The following DCDC1 variants were observed in gnomAD, a reference collection of about 807,000 sequenced individuals.
DCDC1 encodes doublecortin domain containing 1.
Under a neutral mutation model 178.3 loss-of-function variants are expected in DCDC1, and 200 were observed. The observed-to-expected ratio is 1.12, with a 90% CI of 1.00 to 1.26. The LOEUF is 1.26. Ranked by LOEUF, DCDC1 falls within the 50% of genes most tolerant of loss-of-function variation. The pLI, the probability that DCDC1 is intolerant of heterozygous loss-of-function variation, is 0.00. For missense variants in DCDC1, 1,983 were observed against 1,749.2 expected, an observed-to-expected ratio of 1.13 and a Z score of -2.38; for synonymous variants, 690 against 604.8, an observed-to-expected ratio of 1.14 and a Z score of -2.07.
chr11:31,124,122 C>A lies in DCDC1; in HGVS notation c.1485+3347G>T, dbSNP rs1961227772. Among the ~76,000 whole-genome samples, 7 of 152,010 alleles carry A rather than the reference C, an allele frequency of 4.6e-5. No homozygotes were observed. In the South Asian group the frequency reaches 1.5e-3, roughly 32 times the overall value. On this transcript the variant is annotated intron_variant, in intron 11 of 38. Coordinates refer to ENST00000684477, the MANE Select transcript of DCDC1 (RefSeq NM_001387274.1). ...CAGTTTTCAAGGCGAATGCTTCCAG[C>A]TTTTGCCCATTGAGTATGATACTGG...
chr11:30,873,106 T>TCC (rs567927337), intron 38 of DCDC1, among the ~76,000 whole-genome samples: 118 of 150,524 alleles, frequency 7.8e-4, no homozygotes, highest in African/African-American at 2.7e-3. Context: ...TCTCTGTCTC[T>TCC]CTCTCTCTCT....
intron 18 of DCDC1, among the ~76,000 whole-genome samples, chr11:31,072,747 C>T (rs1469334840): frequency 3.3e-5 from 5 of 151,944 alleles, no homozygotes; most frequent in African/African-American, 1.2e-4. Flanking sequence ...CAACAAAATG[C>T]AATAAATGTA....
At chr11:31,194,087 T>C (rs1970413069) in intron 9 of DCDC1, among the ~76,000 whole-genome samples, 1 of 152,086 alleles carries the variant, frequency 6.6e-6, no homozygotes, top group Admixed American at 6.6e-5. Flanking sequence ...TGAATGTTCT[T>C]AGCCCCAGCA....
At chr11:31,360,919 A>G (rs1951678308) in intron 1 of DCDC1, among the ~76,000 whole-genome samples, 2 of 152,250 alleles carry the variant, frequency 1.3e-5, no homozygotes, top group Admixed American at 1.3e-4. Flanking sequence ...TTGGGAGGTC[A>G]TCAGATATGG....
At chr11:31,167,597 T>C (rs937193185) in intron 9 of DCDC1, among the ~76,000 whole-genome samples, 1 of 152,202 alleles carries the variant, frequency 6.6e-6, no homozygotes, top group Non-Finnish European at 1.5e-5. Flanking sequence ...CTCACCAATC[T>C]ATCTCATCTA....
At chr11:30,930,857 G>C (rs1946880690) in intron 22 of DCDC1, among the ~76,000 whole-genome samples, 1 of 152,118 alleles carries the variant, frequency 6.6e-6, no homozygotes, top group Non-Finnish European at 1.5e-5. Context: ...ATTATGAAAT[G>C]TATGCGTCAA....
chr11:31,207,687 A>G (rs946182556), intron 9 of DCDC1, among the ~76,000 whole-genome samples: 2 of 152,076 alleles, frequency 1.3e-5, no homozygotes, highest in East Asian at 3.9e-4. Flanking sequence ...ACTTTAAGGA[A>G]CCCTCCCCTG....
chr11:30,968,646 C>A, intron 20 of DCDC1, among the ~76,000 whole-genome samples: 1 of 137,258 alleles, frequency 7.3e-6, no homozygotes, highest in Non-Finnish European at 1.6e-5. Flanking sequence ...TTGATATTAT[C>A]TGTGGTTATA....
intron 20 of DCDC1, among the ~76,000 whole-genome samples, chr11:31,063,723 AAATT>A (rs1956091757): frequency 6.6e-6 from 1 of 152,144 alleles, no homozygotes; most frequent in African/African-American, 2.4e-5. Context: ...TACAATAAAT[AAATT>A]AATTAATTAA....
chr11:30,904,832 T>C, intron 31 of DCDC1, 129 bp downstream of exon 31: 1 of 1,012,978 alleles, frequency 9.9e-7, no homozygotes. Flanking sequence ...GATCTTCATC[T>C]CATCAGCTTT....
chr11:31,249,176 G>A (rs1943789614), intron 8 of DCDC1, among the ~76,000 whole-genome samples: 1 of 152,056 alleles, frequency 6.6e-6, no homozygotes, highest in South Asian at 2.1e-4. Context: ...AAAACTAGGA[G>A]TGATGATTAT....
intron 9 of DCDC1, among the ~76,000 whole-genome samples, chr11:31,169,105 C>T (rs959560753): frequency 1.3e-4 from 20 of 152,190 alleles, no homozygotes; most frequent in African/African-American, 4.6e-4. Flanking sequence ...AAGCTGGAAG[C>T]CATCATTGTC....
intron 7 of DCDC1, among the ~76,000 whole-genome samples, chr11:31,286,544 TA>T (rs1392608005): frequency 6.6e-6 from 1 of 151,922 alleles, no homozygotes; most frequent in African/African-American, 2.4e-5. Flanking sequence ...TTATTAATAT[TA>T]AAAGATTGAC....
chr11:31,186,877 G>C (rs1416720370), intron 9 of DCDC1, among the ~76,000 whole-genome samples: 2 of 152,168 alleles, frequency 1.3e-5, no homozygotes, highest in Admixed American at 1.3e-4. Flanking sequence ...TCTGTGGCCA[G>C]TTTGGTAATG....
At chr11:31,298,038 T>C (rs1947826677) in intron 6 of DCDC1, among the ~76,000 whole-genome samples, 1 of 152,208 alleles carries the variant, frequency 6.6e-6, no homozygotes, top group African/African-American at 2.4e-5. Flanking sequence ...TCCTTAACTT[T>C]GGCAAAATAA....
At chr11:31,094,230 GT>G in intron 15 of DCDC1, 46 bp from the exon 16 acceptor site, 1 of 758,150 alleles carries the variant, frequency 1.3e-6, no homozygotes, top group South Asian at 1.4e-5. Context: ...TAGTCTAAGA[GT>G]TAAACTCCTC....
At chr11:31,064,333 C>T in intron 20 of DCDC1, 136 bp downstream of exon 20, 1 of 585,976 alleles carries the variant, frequency 1.7e-6, no homozygotes, top group Non-Finnish European at 3.1e-6. Context: ...CAAATGTGAC[C>T]CAAAAACTAC....
chr11:31,325,438 G>C (rs1037933953), intron 3 of DCDC1, among the ~76,000 whole-genome samples: 1 of 152,126 alleles, frequency 6.6e-6, no homozygotes, highest in Admixed American at 6.5e-5. Flanking sequence ...CATAAAATAA[G>C]AGGATGAAAC....
At chr11:31,240,289 C>T (rs1286063499) in intron 9 of DCDC1, among the ~76,000 whole-genome samples, 6 of 151,816 alleles carry the variant, frequency 4.0e-5, no homozygotes, top group Admixed American at 1.3e-4. Flanking sequence ...AAAGAACATT[C>T]GTTTGGATTT....
Sources: allele counts gnomAD v4.1 joint callset (sites outside exome capture counted in the v4.1 genomes callset), GRCh38; gene constraint gnomAD v4.1.1; transcripts MANE v1.5; gene names NCBI Gene and HGNC (gene_info 2026-07-23, HGNC 2026-07-21).